The following ARHGAP5 variants were observed in gnomAD, a reference collection of about 807,000 sequenced individuals.
ARHGAP5 encodes the protein Rho GTPase activating protein 5.
In ARHGAP5, 23 loss-of-function variants were observed where a neutral mutation model predicts 116.6. The observed-to-expected ratio is 0.20, with a 90% CI of 0.14 to 0.28. The LOEUF is 0.28. Among genes scored for constraint, ARHGAP5 ranks in the 10% least tolerant of loss-of-function variants. The pLI is 1.00. For missense variants in ARHGAP5, 1,405 were observed against 1,774.8 expected (o/e 0.79, Z 3.74); for synonymous variants, 574 against 602.0 (o/e 0.95, Z 0.68).
At chr14:32,152,606 T>C in intron 6 of ARHGAP5, 78 bp downstream of exon 6, 4 of 771,854 alleles carry the variant, frequency 5.2e-6, no homozygotes, top group Non-Finnish European at 8.2e-6. Context: ...ATAAATTGGA[T>C]AATTATCAGA....
At chr14:32,142,480 C>T (rs1881171855) in intron 3 of ARHGAP5, among the ~76,000 whole-genome samples, 1 of 152,192 alleles carries the variant, frequency 6.6e-6, no homozygotes. Context: ...TTGCCATTTG[C>T]TGCCACTGAA....
At chr14:32,113,284 G>A (rs1003995901) in intron 2 of ARHGAP5, among the ~76,000 whole-genome samples, 2 of 152,172 alleles carry the variant, frequency 1.3e-5, no homozygotes, top group Non-Finnish European at 2.9e-5. Flanking sequence ...ACAAAAGCTA[G>A]TATAGGAGTG....
intron 1 of ARHGAP5, among the ~76,000 whole-genome samples, chr14:32,083,191 G>A (rs1284419477): frequency 6.6e-6 from 1 of 152,198 alleles, no homozygotes; most frequent in African/African-American, 2.4e-5. Flanking sequence ...TGCAAACTAT[G>A]GCCTCTGGGC....
chr14:32,127,315 C>T lies in ARHGAP5; in HGVS notation c.3865+10028C>T, dbSNP rs1171316468. On this transcript the variant is annotated intron_variant, in intron 3 of 6. Coordinates refer to ENST00000345122, the MANE Select transcript of ARHGAP5 (RefSeq NM_001030055.2). ...TCTCTGGTTTTTCTAGGCAGAGGAC[C>T]CTGCAGCCTTCGGCAGTGTTTGTGT... Among the ~76,000 whole-genome samples, 5 of 152,076 alleles carry T rather than the reference C, an allele frequency of 3.3e-5. No individual in the cohort carries two copies. In the South Asian group the frequency reaches 6.3e-4, roughly 19 times the overall value.
intron 2 of ARHGAP5, among the ~76,000 whole-genome samples, chr14:32,102,252 T>C (rs1230856362): frequency 6.6e-6 from 1 of 152,208 alleles, no homozygotes; most frequent in East Asian, 1.9e-4. Context: ...TTCAAAAGAA[T>C]GAGAAAGGTT....
chr14:32,083,332 C>T (rs1022725484), intron 1 of ARHGAP5, among the ~76,000 whole-genome samples: 9 of 152,264 alleles, frequency 5.9e-5, no homozygotes, highest in African/African-American at 1.9e-4. Context: ...GTAAAGTTTA[C>T]TGTAACATAA....
chr14:32,092,752 C>G lies in ARHGAP5; in HGVS notation c.2083C>G (p.Pro695Ala). 6.2e-7 allele frequency: 1 copy of G among 1,613,804 alleles called. No individual in the cohort carries two copies. The highest frequency in any genetic ancestry group is 1.1e-5 in the South Asian group (1 of 91,018). Residue 695 changes from proline (P) to alanine (A), a missense_variant, in exon 2 of 7, where the codon CCA becomes GCA. Transcript: ENST00000345122. This position sits in a 1 kb window ranked among gnomAD's most constrained non-coding sequence, Gnocchi z 4.1. Reference sequence around the variant, plus strand: ...AAAAGATAAATACATGGCTAATCTTCCATTTACATTAATTCTGGCTAATCA... The same window carrying G: ...AAAAGATAAATACATGGCTAATCTTGCATTTACATTAATTCTGGCTAATCA... ...IRKDKYMANL[P>A]FTLILANQRD...
chr14:32,128,018 C>T (rs574644846), intron 3 of ARHGAP5, among the ~76,000 whole-genome samples: 217 of 146,066 alleles, frequency 1.5e-3, no homozygotes, highest in African/African-American at 4.9e-3. Context: ...GGGTGGCGGC[C>T]GGGTAGAGAC....
At chr14:32,123,362 T>C (rs959183231) in intron 3 of ARHGAP5, among the ~76,000 whole-genome samples, 4 of 151,940 alleles carry the variant, frequency 2.6e-5, no homozygotes, top group Non-Finnish European at 4.4e-5. Flanking sequence ...GTTTAAAACT[T>C]TTTTTTTCTG....
rs1300078622 is a variant in ARHGAP5, at chr14:32,092,873, G to A, written c.2204G>A (p.Gly735Asp). The A allele has an allele frequency of 6.2e-7, 1 of 1,613,846 alleles. No individual in the cohort carries two copies. Among genetic ancestry groups the A allele is most frequent in the African/African-American group, 1.3e-5 (1 of 74,894 alleles). Residue 735 changes from glycine to aspartate, a missense_variant, in exon 2 of 7, where the codon GGT becomes GAT. This residue lies in a region of ARHGAP5 where 944 missense variants were observed against 1,095.3 expected (regional missense o/e 0.86). Coordinates refer to ENST00000345122, the MANE Select transcript of ARHGAP5 (RefSeq NM_001030055.2). The surrounding 1 kb of genome is among the most constrained non-coding windows in gnomAD (Gnocchi z 4.1). Reference sequence around the variant, plus strand: ...TGTCCTTTTGTAGATGTACCTGCTGGTACATATCCTCGTAAATTTAATGAA... The same window carrying A: ...TGTCCTTTTGTAGATGTACCTGCTGATACATATCCTCGTAAATTTAATGAA... ...LQCPFVDVPA[G>D]TYPRKFNETQ...
chr14:32,128,714 T>C (rs971029844), intron 3 of ARHGAP5, among the ~76,000 whole-genome samples: 2 of 152,248 alleles, frequency 1.3e-5, no homozygotes, highest in African/African-American at 4.8e-5. Context: ...CTGGAATAAA[T>C]GCTTTTGGGA....
chr14:32,101,741 T>C (rs1878802923), intron 2 of ARHGAP5, among the ~76,000 whole-genome samples: 1 of 151,750 alleles, frequency 6.6e-6, no homozygotes, highest in Non-Finnish European at 1.5e-5. Flanking sequence ...CCCAGCACTT[T>C]GGGAGGGCAA....
intron 3 of ARHGAP5, among the ~76,000 whole-genome samples, chr14:32,128,890 A>G (rs1392508367): frequency 6.6e-6 from 1 of 152,178 alleles, no homozygotes; most frequent in Non-Finnish European, 1.5e-5. Context: ...GGAGTTAGGA[A>G]GTGTTTCTAC....
In ARHGAP5 at chr14:32,077,336, A is replaced by AGGCGGC. The variant is rs760245380; in HGVS notation, c.-259_-254dup. On this transcript the variant is annotated 5_prime_UTR_variant, in exon 1 of 7. Coordinates refer to ENST00000345122, the MANE Select transcript of ARHGAP5 (RefSeq NM_001030055.2). The stretch of plus-strand genomic sequence containing the variant: ...AGAGGCGAGCGGAGAGTGGAGGAGG[A>AGGCGGC]GGCGGCGGCGGCGGGAGCGGTCCCC... 4.9e-6 allele frequency: 3 copies of AGGCGGC among 607,224 alleles called. No homozygotes were observed. The highest frequency in any genetic ancestry group is 1.9e-5 in the African/African-American group (1 of 51,904). The allele number at this position is 607,224 out of a possible 1,614,324, so 37.6% of individuals were successfully genotyped here. A position where few individuals can be genotyped will look rare whatever the true frequency, so the allele number is the denominator to read the frequency against.
chr14:32,117,419 A>G (rs1879659119), intron 3 of ARHGAP5, 132 bp downstream of exon 3: 4 of 775,174 alleles, frequency 5.2e-6, no homozygotes, highest in Non-Finnish European at 5.6e-6. Context: ...ACTCCATCTG[A>G]TCAGGTAACC....
Position 32,093,262 on chromosome 14 carries a change from A to G in ARHGAP5, c.2593A>G (p.Met865Val). Residue 865 changes from methionine to valine, a missense_variant, in exon 2 of 7, where the codon ATG becomes GTG. Coordinates refer to ENST00000345122, the MANE Select transcript of ARHGAP5 (RefSeq NM_001030055.2). The stretch of plus-strand genomic sequence containing the variant: ...TGCAAAACGGAAAGCTTCGATGGGA[A>G]TGCTTCGAGCATTTCTATCAGAAGT... ...YSAKRKASMG[M>V]LRAFLSEVQD... The G allele has an allele frequency of 6.2e-7, 1 of 1,613,764 alleles. No homozygotes were observed. Among genetic ancestry groups the G allele is most frequent in the Non-Finnish European group, 8.5e-7 (1 of 1,179,868 alleles).
intron 3 of ARHGAP5, among the ~76,000 whole-genome samples, chr14:32,140,090 A>AT (rs1566681657): frequency 1.1e-4 from 5 of 44,298 alleles, no homozygotes; most frequent in Non-Finnish European, 1.2e-4. Flanking sequence ...TTTTTAGGTT[A>AT]TTTGTTCTTT....
At chr14:32,112,382 T>C (rs1292378765) in intron 2 of ARHGAP5, among the ~76,000 whole-genome samples, 2 of 152,204 alleles carry the variant, frequency 1.3e-5, no homozygotes, top group African/African-American at 2.4e-5. Context: ...TGTTTTCTTC[T>C]TCCTAGTCAT....
chr14:32,123,330 G>A (rs950422818), intron 3 of ARHGAP5, among the ~76,000 whole-genome samples: 8 of 151,684 alleles, frequency 5.3e-5, no homozygotes, highest in Non-Finnish European at 7.4e-5. Context: ...CTCCTTATTC[G>A]TGTGTTAGAC....
Sources: gnomAD v4.1 joint callset for allele counts (sites outside exome capture counted in the v4.1 genomes callset) on GRCh38, gnomAD v4.1.1 for gene constraint, gnomAD v4.1.1 regional missense constraint, Gnocchi (gnomAD v3.1) non-coding constraint, MANE v1.5 for transcripts, NCBI Gene and HGNC (gene_info 2026-07-23, HGNC 2026-07-21) for gene names.